The following FAM91A1 variants were observed in gnomAD, a reference collection of about 807,000 sequenced individuals.
FAM91A1 encodes the protein family with sequence similarity 91 member A1, also known as protein FAM91A1.
Under a neutral mutation model 113.5 loss-of-function variants are expected in FAM91A1, and 41 were observed. That is an observed-to-expected ratio of 0.36 (90% CI 0.28 to 0.47). The LOEUF (loss-of-function observed/expected upper bound fraction) is 0.47, where lower values mean the gene tolerates loss of function less well. Among genes scored for constraint, FAM91A1 ranks in the 20% least tolerant of loss-of-function variants. The probability of loss-of-function intolerance (pLI) is 1.00; values close to 1 mark genes in which losing one functional copy is unlikely to be tolerated. For synonymous variants in FAM91A1, 307 were observed against 347.9 expected (o/e 0.88, Z 1.31); for missense variants, 696 against 1,001.2 (o/e 0.70, Z 4.11).
At chr8:123,789,780 C>A (rs1815340111) in intron 15 of FAM91A1, 35 bp downstream of exon 15, 2 of 1,595,078 alleles carry the variant, frequency 1.3e-6, no homozygotes, top group South Asian at 2.3e-5. Flanking sequence ...AAGACATGAT[C>A]ATATGAAACT....
intron 16 of FAM91A1, 79 bp downstream of exon 16, chr8:123,798,317 C>T: frequency 6.9e-7 from 1 of 1,459,222 alleles, no homozygotes; most frequent in Non-Finnish European, 9.2e-7. Context: ...CTGCAGATAC[C>T]AACTATTAAA....
At chr8:123,809,904 T>A (rs13278088) in intron 22 of FAM91A1, among the ~76,000 whole-genome samples, 30,986 of 152,186 alleles carry the variant, frequency 0.2, 3,425 homozygotes, top group East Asian at 0.32. Flanking sequence ...GTTATCAGGT[T>A]GTCTTTTGCA....
Position 123,787,311 on chromosome 8 carries a change from C to T in FAM91A1, c.1129C>T (p.Arg377Cys), listed in dbSNP as rs1815283311. ...SLSLSTGHTK[R>C]IAFLFDSTLT... ...GAGTCTGTCTACAGGACACACGAAGCGCATCGCATTCCTGTTTGACTCCAC... is the reference window on the plus strand; with the variant it reads ...GAGTCTGTCTACAGGACACACGAAGTGCATCGCATTCCTGTTTGACTCCAC... The change falls in exon 13 of 24, where the codon CGC (arginine) becomes TGC (cysteine). Residue 377 changes from arginine to cysteine, a missense_variant. By Grantham distance (180) the Arg-to-Cys change is radical (BLOSUM62 -3). Coordinates refer to ENST00000334705, the MANE Select transcript of FAM91A1 (RefSeq NM_144963.4). 2 of 1,611,652 alleles carry T rather than the reference C, an allele frequency of 1.2e-6. No individual in the cohort carries two copies. The highest frequency in any genetic ancestry group is 1.7e-6 in the Non-Finnish European group (2 of 1,179,670).
At position 123,799,762 on chromosome 8, in the gene FAM91A1, T is replaced by C. The variant is rs1267525035; in HGVS notation, c.1696-10T>C. On this transcript the variant is annotated splice_polypyrimidine_tract_variant and intron_variant, in intron 17 of 23. Transcript: ENST00000334705. ...GAATGCCATTTTACCTGTTAATTTCTTTTCAATAGAGTTATGATCGATTGC... is the reference window on the plus strand; with the variant it reads ...GAATGCCATTTTACCTGTTAATTTCCTTTCAATAGAGTTATGATCGATTGC... The C allele has an allele frequency of 1.2e-6, 2 of 1,606,392 alleles. No homozygotes were observed. Among genetic ancestry groups the C allele is most frequent in the Non-Finnish European group, 1.7e-6 (2 of 1,176,080 alleles).
At chr8:123,795,383 C>T (rs549720551) in intron 15 of FAM91A1, among the ~76,000 whole-genome samples, 24 of 151,510 alleles carry the variant, frequency 1.6e-4, no homozygotes, top group Non-Finnish European at 3.1e-4. Context: ...CACCACCCCC[C>T]GCCCCCCTGC....
intron 19 of FAM91A1, 21 bp downstream of exon 19, chr8:123,805,360 A>C: frequency 6.5e-7 from 1 of 1,528,376 alleles, no homozygotes; most frequent in Non-Finnish European, 8.9e-7. Flanking sequence ...AATTGTATCT[A>C]TTGACTTTTT....
rs571186668 is a variant in FAM91A1 at position 123,787,918 on chromosome 8, A to G, written c.1278+168A>G. Reference sequence around the variant, plus strand: ...CTCTTACAGTCATTTAGACTTAAACATATTGAGTGGGTGAATTGATTTTGT... The same window carrying G: ...CTCTTACAGTCATTTAGACTTAAACGTATTGAGTGGGTGAATTGATTTTGT... On this transcript the variant is annotated intron_variant, in intron 14 of 23. Coordinates refer to ENST00000334705, the MANE Select transcript of FAM91A1 (RefSeq NM_144963.4). Among the ~76,000 whole-genome samples the G allele has an allele frequency of 2.9e-3, 448 of 152,326 alleles. 5 individuals are homozygous for G. Among genetic ancestry groups the G allele is most frequent in the Admixed American group, 6.9e-3 (106 of 15,294 alleles).
At chr8:123,784,198 A>G (rs1319121097) in intron 8 of FAM91A1, among the ~76,000 whole-genome samples, 1 of 152,130 alleles carries the variant, frequency 6.6e-6, no homozygotes, top group Non-Finnish European at 1.5e-5. Flanking sequence ...TACCAAGTCC[A>G]TGTCATCCAG....
chr8:123,779,805 T>G (rs1175747360), intron 6 of FAM91A1, among the ~76,000 whole-genome samples, 180 bp from the exon 7 acceptor site: 2 of 152,204 alleles, frequency 1.3e-5, no homozygotes, highest in African/African-American at 4.8e-5. Context: ...ATGTTGCATA[T>G]TTTGGCACCT....
At chr8:123,787,892 A>C in intron 14 of FAM91A1, 142 bp downstream of exon 14, 1 of 593,772 alleles carries the variant, frequency 1.7e-6, no homozygotes, top group Non-Finnish European at 2.8e-6. Flanking sequence ...CCAAATTAGT[A>C]CTCTTACAGT....
At chr8:123,791,182 G>T (rs1324172230) in intron 15 of FAM91A1, among the ~76,000 whole-genome samples, 1 of 152,066 alleles carries the variant, frequency 6.6e-6, no homozygotes, top group African/African-American at 2.4e-5. Flanking sequence ...TATAGATAAA[G>T]AAATTGGAGT....
intron 20 of FAM91A1, among the ~76,000 whole-genome samples, chr8:123,806,440 T>G (rs1041432372): frequency 3.9e-5 from 6 of 152,162 alleles, no homozygotes; most frequent in Non-Finnish European, 7.3e-5. Context: ...TACAGAATGG[T>G]TTGGGACTTT....
At position 123,778,558 on chromosome 8, in the gene FAM91A1, ATATT is replaced by A. The variant is rs1253804619; in HGVS notation, c.436-94_436-91del. 20 of 730,702 alleles carry A rather than the reference ATATT, an allele frequency of 2.7e-5. No homozygotes were observed. In the East Asian group the frequency reaches 4.1e-4, roughly 15 times the overall value. The allele number at this position is 730,702 out of a possible 1,614,324, so 45.3% of individuals were successfully genotyped here. On this transcript the variant is annotated intron_variant, in intron 5 of 23. Transcript: ENST00000334705. ...TTTAAAACATGAAGATTTTAAGAAG[ATATT>A]TATTTAGTCCATTAGAAACAATCTT...
intron 20 of FAM91A1, among the ~76,000 whole-genome samples, chr8:123,806,931 T>G (rs72715045): frequency 0.016 from 2,367 of 152,170 alleles, 36 homozygotes; most frequent in Middle Eastern, 0.031. Context: ...AAAATCCATT[T>G]TCAAATCACC....
intron 15 of FAM91A1, among the ~76,000 whole-genome samples, chr8:123,796,618 C>T (rs1815526916): frequency 6.6e-6 from 1 of 151,604 alleles, no homozygotes; most frequent in Non-Finnish European, 1.5e-5. Flanking sequence ...GCTACCATGC[C>T]TGGCTAACTT....
At chr8:123,780,221 G>GT (rs1815086528) in intron 7 of FAM91A1, 146 bp downstream of exon 7, 3 of 769,052 alleles carry the variant, frequency 3.9e-6, no homozygotes, top group Non-Finnish European at 6.0e-6. Flanking sequence ...TTAGTCTTTT[G>GT]TTTTCCAGTG....
chr8:123,810,369 G>C lies in FAM91A1; in HGVS notation c.2331+18G>C. On this transcript the variant is annotated intron_variant, in intron 23 of 23. Coordinates refer to ENST00000334705, the MANE Select transcript of FAM91A1 (RefSeq NM_144963.4). Reference sequence around the variant, plus strand: ...CATTCCAGGTAACAAAAACCAAAAAGTCCAAATGGTACTTGTACTGAGCTT... The same window carrying C: ...CATTCCAGGTAACAAAAACCAAAAACTCCAAATGGTACTTGTACTGAGCTT... The C allele has an allele frequency of 6.2e-7, 1 of 1,609,850 alleles. No homozygotes were observed. The highest frequency in any genetic ancestry group is 1.3e-5 in the African/African-American group (1 of 74,674).
chr8:123,801,253 T>G (rs1815672361), intron 18 of FAM91A1, among the ~76,000 whole-genome samples: 1 of 152,230 alleles, frequency 6.6e-6, no homozygotes, highest in Admixed American at 6.5e-5. Flanking sequence ...ATGTTGAGCT[T>G]CTTTGCATGT....
chr8:123,770,594 C>G (rs1814815528), intron 1 of FAM91A1, among the ~76,000 whole-genome samples: 2 of 152,030 alleles, frequency 1.3e-5, no homozygotes, highest in Admixed American at 1.3e-4. Flanking sequence ...TTCTTCTTTT[C>G]TTTGTTTCCA....
Sources: allele counts gnomAD v4.1 joint callset (sites outside exome capture counted in the v4.1 genomes callset), GRCh38; gene constraint gnomAD v4.1.1; transcripts MANE v1.5; gene names NCBI Gene and HGNC (gene_info 2026-07-23, HGNC 2026-07-21).